The following TNRC6B variants were observed in gnomAD, a reference collection of about 807,000 sequenced individuals.
TNRC6B encodes trinucleotide repeat containing adaptor 6B, also known as trinucleotide repeat-containing gene 6B protein.
In TNRC6B, 52 loss-of-function variants were observed where a neutral mutation model predicts 203.6. The ratio of observed to expected loss-of-function variants is 0.26; its 90% CI spans 0.20 to 0.32. The LOEUF is 0.32. TNRC6B is among the 10% of genes least tolerant of loss of function. TNRC6B has a pLI of 1.00. For missense variants in TNRC6B, 1,923 were observed against 2,286.2 expected (o/e 0.84, Z 3.24); for synonymous variants, 838 against 845.7 (o/e 0.99, Z 0.16).
chr22:40,178,417 C>G (rs970603923), intron 1 of TNRC6B, among the ~76,000 whole-genome samples: 4 of 152,120 alleles, frequency 2.6e-5, no homozygotes, highest in African/African-American at 9.7e-5. Flanking sequence ...ATAAATGAAG[C>G]TGCGAGTAAT....
chr22:40,321,509 C>T (rs1267012489), intron 22 of TNRC6B: 11 of 331,454 alleles, frequency 3.3e-5, no homozygotes, highest in African/African-American at 1.9e-4. Flanking sequence ...AAGCTAGGGC[C>T]GGGCACAGTG....
chr22:40,288,222 C>T (rs534376650), intron 12 of TNRC6B, among the ~76,000 whole-genome samples: 50 of 152,362 alleles, frequency 3.3e-4, no homozygotes, highest in Non-Finnish European at 6.6e-4. Context: ...TCCTTTTCAA[C>T]GTGGTTTACA....
At chr22:40,136,453 T>C (rs1249747242) in intron 3 of TNRC6B, among the ~76,000 whole-genome samples, 1 of 150,870 alleles carries the variant, frequency 6.6e-6, no homozygotes, top group Admixed American at 6.7e-5. Context: ...GGCTGGAGTA[T>C]AGTAGCCTGA....
At chr22:40,154,894 T>TATATATATAC (rs1236479777) in intron 3 of TNRC6B, among the ~76,000 whole-genome samples, 1 of 38,190 alleles carries the variant, frequency 2.6e-5, no homozygotes, top group Admixed American at 2.9e-4. Context: ...TATATATATA[T>TATATATATAC]ACATATATAT....
chr22:40,118,221 C>T (rs1297512949), intron 2 of TNRC6B, among the ~76,000 whole-genome samples: 1 of 152,146 alleles, frequency 6.6e-6, no homozygotes, highest in African/African-American at 2.4e-5. Context: ...GTAGCCATAA[C>T]CATAGCCACT....
At position 40,050,829 on chromosome 22, in the gene TNRC6B, T is replaced by C. The variant is rs1432752273; in HGVS notation, c.-121+5831T>C. Reference sequence around the variant, plus strand: ...GTCCTGTAGTTTTTTTGTTTTTGGGTTTTTTTTTTTTTTGAGACAGAGTCT... The same window carrying C: ...GTCCTGTAGTTTTTTTGTTTTTGGGCTTTTTTTTTTTTTGAGACAGAGTCT... On this transcript the variant is annotated intron_variant, in intron 1 of 23. Coordinates refer to the TNRC6B transcript ENST00000301923. Among the ~76,000 whole-genome samples the C allele has an allele frequency of 1.8e-4, 23 of 127,268 alleles. No homozygotes were observed. In the East Asian group the frequency reaches 4.7e-3, roughly 26 times the overall value. 83.5% of individuals were successfully genotyped at this position (127,268 alleles called of 152,430 possible).
In TNRC6B at chr22:40,246,081, G is replaced by C; in HGVS notation, c.72G>C (p.Lys24Asn). The change falls in exon 2 of 23, where the codon AAG becomes AAC. Residue 24 changes from lysine (K) to asparagine (N), a missense_variant. This residue lies in a region of TNRC6B where 111 missense variants were observed against 155.3 expected (regional missense o/e 0.71). Coordinates refer to ENST00000454349, the MANE Select transcript of TNRC6B (RefSeq NM_001162501.2). ...EDKKRKKEDKKKKEATQKVTE... is the reference protein window; with the variant it reads ...EDKKRKKEDKNKKEATQKVTE... ...AGAAAAGGAAGAAAGAGGATAAAAA[G>C]AAAAAAGAAGCCACTCAGAAGGTAG... 7.3e-6 allele frequency: 11 copies of C among 1,496,914 alleles called. No homozygotes were observed. The highest frequency in any genetic ancestry group is 2.1e-5 in the Admixed American group (1 of 48,670). The allele number at this position is 1,496,914 out of a possible 1,614,324, so 92.7% of individuals were successfully genotyped here. A position where few individuals can be genotyped will look rare whatever the true frequency, so the allele number is the denominator to read the frequency against.
intron 1 of TNRC6B, among the ~76,000 whole-genome samples, chr22:40,046,068 C>T (rs1051489946): frequency 6.6e-6 from 1 of 152,292 alleles, no homozygotes; most frequent in Non-Finnish European, 1.5e-5. Flanking sequence ...GTGAATGAAA[C>T]ATTAGTGCCC....
At chr22:40,210,360 T>C (rs916870370) in intron 1 of TNRC6B, among the ~76,000 whole-genome samples, 3 of 152,336 alleles carry the variant, frequency 2.0e-5, no homozygotes, top group South Asian at 2.1e-4. Context: ...CACCAGGCAT[T>C]GGCCCCCTCA....
intron 1 of TNRC6B, among the ~76,000 whole-genome samples, chr22:40,200,815 CTG>C (rs1436369830): frequency 4.6e-5 from 7 of 152,168 alleles, no homozygotes; most frequent in Non-Finnish European, 1.0e-4. Context: ...GCCACTAGAG[CTG>C]CATGGCCTTG....
At chr22:40,174,960 A>G (rs2069042055), upstream of TNRC6B, among the ~76,000 whole-genome samples, 1 of 152,232 alleles carries the variant, frequency 6.6e-6, no homozygotes, top group South Asian at 2.1e-4. Flanking sequence ...AACACAAGGG[A>G]GAAATAATGT....
At chr22:40,317,790 C>T (rs34596222) in intron 21 of TNRC6B, among the ~76,000 whole-genome samples, 28 of 152,280 alleles carry the variant, frequency 1.8e-4, no homozygotes, top group Non-Finnish European at 2.6e-4. Flanking sequence ...AGCACCTGAA[C>T]GAGGTTAAAT....
At chr22:40,293,551 C>A (rs2070897299) in intron 12 of TNRC6B, among the ~76,000 whole-genome samples, 1 of 151,008 alleles carries the variant, frequency 6.6e-6, no homozygotes, top group Non-Finnish European at 1.5e-5. Flanking sequence ...ACTGCTGGGT[C>A]ACGGGCAGGT....
chr22:40,333,921 C>G lies in TNRC6B; in HGVS notation c.*10680C>G, dbSNP rs1222390464. The G allele has an allele frequency of 6.6e-6, 1 of 152,542 alleles. No homozygotes were observed. Among genetic ancestry groups the G allele is most frequent in the Non-Finnish European group, 1.5e-5 (1 of 68,046 alleles). The allele number at this position is 152,542 out of a possible 1,614,324, so 9.4% of individuals were successfully genotyped here. On this transcript the variant is annotated 3_prime_UTR_variant, in exon 23 of 23. Coordinates refer to ENST00000454349, the MANE Select transcript of TNRC6B (RefSeq NM_001162501.2). ...CTTCGCCCCCATCTTTAAGATAAAC[C>G]CTTTACTAGTCAAGAAGCCCTTTTC... is the stretch of plus-strand genomic sequence containing the variant.
At chr22:40,147,778 ATAT>A (rs1247685918) in intron 3 of TNRC6B, among the ~76,000 whole-genome samples, 3 of 152,330 alleles carry the variant, frequency 2.0e-5, no homozygotes, top group African/African-American at 7.2e-5. Flanking sequence ...AAAACACCAC[ATAT>A]TATGTCACTC....
intron 1 of TNRC6B, among the ~76,000 whole-genome samples, chr22:40,093,519 T>G (rs1463311923): frequency 6.6e-6 from 1 of 152,102 alleles, no homozygotes; most frequent in African/African-American, 2.4e-5. Flanking sequence ...CCTAGTACAG[T>G]CCTGAGAGAA....
At chr22:40,247,123 T>A (rs2070118110) in intron 2 of TNRC6B, among the ~76,000 whole-genome samples, 1 of 152,302 alleles carries the variant, frequency 6.6e-6, no homozygotes, top group South Asian at 2.1e-4. Flanking sequence ...ACCATTCTTT[T>A]TGCATCTCTT....
chr22:40,270,313 CTTTTT>C, intron 6 of TNRC6B, 33 bp downstream of exon 6: 79 of 1,217,610 alleles, frequency 6.5e-5, no homozygotes, highest in Middle Eastern at 3.0e-4. Context: ...TTGAGGGATC[CTTTTT>C]TTTTTTTTTT....
intron 2 of TNRC6B, among the ~76,000 whole-genome samples, chr22:40,247,193 T>C (rs534638394): frequency 6.6e-6 from 1 of 152,170 alleles, no homozygotes; most frequent in Non-Finnish European, 1.5e-5. Context: ...AAGGTGATTT[T>C]CTGTCAGGTA....
Sources: allele counts gnomAD v4.1 joint callset (sites outside exome capture counted in the v4.1 genomes callset), GRCh38; gene constraint gnomAD v4.1.1; regional missense constraint gnomAD v4.1.1; transcripts MANE v1.5; gene names NCBI Gene and HGNC (gene_info 2026-07-23, HGNC 2026-07-21).